Variants in SPRED2 observed in about 807,000 individuals in gnomAD.
The protein encoded by SPRED2 is sprouty-related, EVH1 domain-containing protein 2.
SPRED2 carries 47 observed loss-of-function variants against 43.0 expected under a neutral mutation model. The ratio of observed to expected loss-of-function variants is 1.09; its 90% CI spans 0.87 to 1.40. The LOEUF (loss-of-function observed/expected upper bound fraction) is 1.40, where lower values mean the gene tolerates loss of function less well. Ranked by LOEUF, SPRED2 falls within the 40% of genes most tolerant of loss-of-function variation. The pLI is 0.00. For synonymous variants in SPRED2, 225 were observed against 225.7 expected (o/e 1.00, Z 0.03); for missense variants, 561 against 586.4 (o/e 0.96, Z 0.45).
intron 1 of SPRED2, among the ~76,000 whole-genome samples, chr2:65,354,906 G>T (rs1225156434): frequency 2.0e-5 from 3 of 152,176 alleles, no homozygotes; most frequent in Non-Finnish European, 2.9e-5. Context: ...TGGCTCCTGG[G>T]CAATTTTCTC....
At chr2:65,401,937 G>GCGCGCGCACGCACACACA (rs776512353) in intron 1 of SPRED2, among the ~76,000 whole-genome samples, 4 of 114,714 alleles carry the variant, frequency 3.5e-5, no homozygotes, top group Admixed American at 8.1e-5. Context: ...GCGCGCGCGC[G>GCGCGCGCACGCACACACA]CACACACACA....
chr2:65,413,099 C>A (rs1218064884), intron 1 of SPRED2, among the ~76,000 whole-genome samples: 1 of 152,194 alleles, frequency 6.6e-6, no homozygotes, highest in Non-Finnish European at 1.5e-5. Flanking sequence ...TGCCTCAGAA[C>A]CAATAAATTG....
chr2:65,385,403 G>C (rs1471456862), intron 1 of SPRED2, among the ~76,000 whole-genome samples: 1 of 152,240 alleles, frequency 6.6e-6, no homozygotes, highest in Non-Finnish European at 1.5e-5. Flanking sequence ...GGGAGTTGGA[G>C]GGCGTCTGAA....
downstream of SPRED2, among the ~76,000 whole-genome samples, chr2:65,307,767 A>G (rs1371477419): frequency 1.3e-5 from 2 of 152,204 alleles, no homozygotes; most frequent in Non-Finnish European, 2.9e-5. Flanking sequence ...TACAACTGGT[A>G]TCTGGTTCTA....
intron 1 of SPRED2, among the ~76,000 whole-genome samples, chr2:65,428,052 T>C (rs1338643261): frequency 2.6e-5 from 4 of 152,376 alleles, no homozygotes; most frequent in Admixed American, 6.5e-5. Context: ...CTCGGGCAAC[T>C]AACTTGACCT....
chr2:65,344,596 T>C, intron 2 of SPRED2, 123 bp downstream of exon 2: 2 of 1,333,620 alleles, frequency 1.5e-6, no homozygotes, highest in Middle Eastern at 1.8e-4. Context: ...CTTTTGAAGC[T>C]TTTGCAAGAG....
At chr2:65,402,786 CCT>C (rs1675936325) in intron 1 of SPRED2, among the ~76,000 whole-genome samples, 1 of 152,170 alleles carries the variant, frequency 6.6e-6, no homozygotes, top group Non-Finnish European at 1.5e-5. Flanking sequence ...CTGAAGAAAT[CCT>C]CTGATAATTC....
At chr2:65,405,760 T>A (rs1003394563) in intron 1 of SPRED2, among the ~76,000 whole-genome samples, 9 of 152,164 alleles carry the variant, frequency 5.9e-5, no homozygotes, top group Non-Finnish European at 1.2e-4. Context: ...TAATTACATT[T>A]CTCACTTTGA....
At chr2:65,405,501 C>A (rs1435202672) in intron 1 of SPRED2, among the ~76,000 whole-genome samples, 1 of 152,192 alleles carries the variant, frequency 6.6e-6, no homozygotes, top group Non-Finnish European at 1.5e-5. Context: ...TCTCATCACA[C>A]ACTCATTACA....
intron 1 of SPRED2, among the ~76,000 whole-genome samples, chr2:65,358,929 G>C (rs1402576524): frequency 6.6e-6 from 1 of 152,198 alleles, no homozygotes. Context: ...TGGGGTGAGG[G>C]AGAAAAGGTA....
At chr2:65,363,589 T>C (rs2104322058) in intron 1 of SPRED2, among the ~76,000 whole-genome samples, 1 of 152,276 alleles carries the variant, frequency 6.6e-6, no homozygotes, top group East Asian at 1.9e-4. Flanking sequence ...AAACTCCAGA[T>C]GTGGGGAGGA....
Position 65,385,182 on chromosome 2 carries a change from G to A in SPRED2, c.27-40286C>T, listed in dbSNP as rs376396799. On this transcript the variant is annotated intron_variant, in intron 1 of 5. Coordinates refer to ENST00000356388, the MANE Select transcript of SPRED2 (RefSeq NM_181784.3). ...AGATGGGGTTTCACCATGTTTGCCA[G>A]GCTGGTCTCAAACTCCTGACCTCAG... 9.2e-5 allele frequency among the ~76,000 whole-genome samples: 14 copies of A among 152,164 alleles called. No homozygotes were observed. The South Asian group carries it at 2.9e-3, about 32-fold the overall frequency.
chr2:65,396,653 G>T (rs1372736001), intron 1 of SPRED2, among the ~76,000 whole-genome samples: 3 of 152,194 alleles, frequency 2.0e-5, no homozygotes, highest in African/African-American at 7.2e-5. Context: ...ACATACTAGA[G>T]AAGTAAAGAA....
At chr2:65,388,606 C>T (rs1344043630) in intron 1 of SPRED2, among the ~76,000 whole-genome samples, 4 of 152,080 alleles carry the variant, frequency 2.6e-5, no homozygotes, top group Admixed American at 6.5e-5. Flanking sequence ...GGGCTGTTAT[C>T]AATTAGGCAG....
At chr2:65,358,769 G>A (rs1489034929) in intron 1 of SPRED2, among the ~76,000 whole-genome samples, 1 of 152,172 alleles carries the variant, frequency 6.6e-6, no homozygotes, top group African/African-American at 2.4e-5. Flanking sequence ...TCCAGCCCAC[G>A]AAAGCCCAAT....
intron 4 of SPRED2, among the ~76,000 whole-genome samples, chr2:65,328,897 G>A (rs1673725272): frequency 6.6e-6 from 1 of 152,228 alleles, no homozygotes; most frequent in South Asian, 2.1e-4. Context: ...AGAAAAGGAA[G>A]ATGTTGTATT....
intron 1 of SPRED2, among the ~76,000 whole-genome samples, chr2:65,414,637 T>A (rs1466938536): frequency 6.6e-6 from 1 of 152,212 alleles, no homozygotes; most frequent in Non-Finnish European, 1.5e-5. Flanking sequence ...TACAGCATTC[T>A]CAGAGGTTCC....
intron 4 of SPRED2, among the ~76,000 whole-genome samples, chr2:65,318,344 G>C (rs1331473818): frequency 6.6e-6 from 1 of 151,946 alleles, no homozygotes; most frequent in Admixed American, 6.6e-5. Context: ...TCCCACCTGA[G>C]ACACAACGGA....
chr2:65,407,362 A>G (rs1676049863), intron 1 of SPRED2, among the ~76,000 whole-genome samples: 1 of 147,248 alleles, frequency 6.8e-6, no homozygotes, highest in Non-Finnish European at 1.5e-5. Context: ...AGGTGGCTGC[A>G]GGTGTGTGTG....
Sources: gnomAD v4.1 joint callset for allele counts (sites outside exome capture counted in the v4.1 genomes callset) on GRCh38, gnomAD v4.1.1 for gene constraint, MANE v1.5 for transcripts, NCBI Gene and HGNC (gene_info 2026-07-23, HGNC 2026-07-21) for gene names.